HABP2: variants seen among roughly 807,000 people sequenced by gnomAD.
HABP2 encodes the protein hyaluronan binding protein 2, also known as factor VII-activating protease.
Under a neutral mutation model 66.5 loss-of-function variants are expected in HABP2, and 65 were observed. The ratio of observed to expected loss-of-function variants is 0.98; its 90% CI spans 0.80 to 1.20. HABP2 has a LOEUF of 1.20. Ranked by LOEUF, HABP2 falls within the 50% of genes most tolerant of loss-of-function variation. The pLI, the probability that HABP2 is intolerant of heterozygous loss-of-function variation, is 0.00. For missense variants in HABP2, 786 were observed against 691.0 expected (o/e 1.14, Z -1.54); for synonymous variants, 263 against 253.9 (o/e 1.04, Z -0.34).
intron 1 of HABP2, among the ~76,000 whole-genome samples, chr10:113,559,704 A>G (rs959080633): frequency 6.6e-6 from 1 of 152,228 alleles, no homozygotes; most frequent in Non-Finnish European, 1.5e-5. Context: ...TTAAGAACCA[A>G]TGTCTTTAAA....
intron 8 of HABP2, among the ~76,000 whole-genome samples, chr10:113,581,549 A>G (rs1224048866): frequency 6.6e-6 from 1 of 152,266 alleles, no homozygotes; most frequent in African/African-American, 2.4e-5. Flanking sequence ...GGGCTTTGTC[A>G]AGGTGAAGTA....
rs1009512212 is a variant in HABP2 at position 113,565,825 on chromosome 10, A to C, written c.70-1664A>C. Among the ~76,000 whole-genome samples the C allele has an allele frequency of 3.3e-5, 5 of 152,110 alleles. No individual in the cohort carries two copies. In the East Asian group the frequency reaches 9.6e-4, roughly 29 times the overall value. The stretch of plus-strand genomic sequence containing the variant: ...TCTTTTTTTGTCTTTTATGGTGTTG[A>C]TGTTTTTCTGGAGGCTAGGCTAGGT... On this transcript the variant is annotated intron_variant, in intron 1 of 12. Transcript: ENST00000351270.
intron 1 of HABP2, among the ~76,000 whole-genome samples, chr10:113,558,209 C>T (rs777543635): frequency 6.6e-6 from 1 of 152,238 alleles, no homozygotes; most frequent in Non-Finnish European, 1.5e-5. Flanking sequence ...CGAGTCTTGC[C>T]GGCTAGCAAA....
At chr10:113,553,966 C>T (rs1461628417) in intron 1 of HABP2, among the ~76,000 whole-genome samples, 10 of 152,248 alleles carry the variant, frequency 6.6e-5, no homozygotes, top group African/African-American at 9.6e-5. Context: ...CTTGGAGTTC[C>T]GTGCTGGTTG....
intron 1 of HABP2, among the ~76,000 whole-genome samples, chr10:113,563,489 G>A (rs1268181511): frequency 6.6e-6 from 1 of 152,194 alleles, no homozygotes; most frequent in Non-Finnish European, 1.5e-5. Context: ...CACAAAATGA[G>A]TGACTTGCTT....
intron 1 of HABP2, among the ~76,000 whole-genome samples, chr10:113,562,441 CT>C (rs11396673): frequency 0.14 from 17,459 of 121,456 alleles, 1,171 homozygotes; most frequent in African/African-American, 0.21. Context: ...ATTGGATAAG[CT>C]TTTTTTTTTT....
In HABP2 at chr10:113,578,065, C is replaced by T. The variant is rs778566957; in HGVS notation, c.488C>T (p.Ala163Val). The part of the protein sequence containing the change: ...VCRPNPCQNG[A>V]TCSRHKRRSK... ...AGGCCAAACCCCTGCCAGAATGGGG[C>T]TACCTGCTCCCGGCATAAGCGGAGA... is the stretch of plus-strand genomic sequence containing the variant. The change falls in exon 6 of 13, where the codon GCT becomes GTT. Residue 163 changes from alanine to valine, a missense_variant. Coordinates refer to ENST00000351270, the MANE Select transcript of HABP2 (RefSeq NM_004132.5). 4.3e-6 allele frequency: 7 copies of T among 1,614,146 alleles called. No individual in the cohort carries two copies. In the East Asian group the frequency reaches 1.1e-4, roughly 26 times the overall value.
chr10:113,558,506 C>A (rs529617914), intron 1 of HABP2, among the ~76,000 whole-genome samples: 23 of 152,336 alleles, frequency 1.5e-4, no homozygotes, highest in South Asian at 1.2e-3. Flanking sequence ...CCAGCACCCG[C>A]CAGTCCTTCC....
At chr10:113,572,873 G>A in intron 2 of HABP2, 3 of 243,976 alleles carry the variant, frequency 1.2e-5, no homozygotes, top group Admixed American at 5.4e-5. Context: ...ATTCAAAAAA[G>A]AAATAAAAAG....
rs1033618359 is a variant in HABP2, at chr10:113,582,072, C to T, written c.1035C>T (p.His345=). Residue 345 remains histidine, a synonymous_variant, in exon 9 of 13, where the codon CAC becomes CAT. Transcript: ENST00000351270. ...LPLTISMPQG[H]FCGGALIHPC... ...TGACCATCTCCATGCCCCAGGGCCA[C>T]TTCTGTGGTGGGGCGCTGATCCACC... is the stretch of plus-strand genomic sequence containing the variant. 1.1e-5 allele frequency: 18 copies of T among 1,612,932 alleles called. No individual in the cohort carries two copies. Among genetic ancestry groups the T allele is most frequent in the African/African-American group, 1.3e-5 (1 of 74,946 alleles).
At chr10:113,559,194 T>C (rs930067223) in intron 1 of HABP2, among the ~76,000 whole-genome samples, 2 of 152,198 alleles carry the variant, frequency 1.3e-5, no homozygotes, top group African/African-American at 2.4e-5. Context: ...AGCATTATCA[T>C]ATGCAGAATT....
chr10:113,572,933 A>G (rs1023676876), intron 2 of HABP2, among the ~76,000 whole-genome samples: 1 of 152,296 alleles, frequency 6.6e-6, no homozygotes, highest in African/African-American at 2.4e-5. Context: ...GCAAAAGTCG[A>G]TTTTTCAAAA....
At chr10:113,552,194 C>T (rs532215410), upstream of HABP2, among the ~76,000 whole-genome samples, 5 of 152,262 alleles carry the variant, frequency 3.3e-5, no homozygotes, top group Non-Finnish European at 5.9e-5. Flanking sequence ...CACATGCCTC[C>T]GCTGGCAGCA....
Position 113,581,881 on chromosome 10 carries a change from G to C in HABP2, c.844G>C (p.Ala282Pro). Residue 282 changes from alanine (A) to proline (P), a missense_variant, in exon 9 of 13, where the codon GCC becomes CCC. Physicochemically the swap from Ala to Pro is conservative, Grantham distance 27. Transcript: ENST00000351270. Reference protein sequence around the residue: ...DVSACSAQDVAYPEESPTEPS... With the variant: ...DVSACSAQDVPYPEESPTEPS... ...ATCTTTCTTGTGTCCCACAGACGTT[G>C]CCTACCCAGAGGAAAGCCCCACTGA... 1 of 1,614,098 alleles carries C rather than the reference G, an allele frequency of 6.2e-7. No homozygotes were observed. Among genetic ancestry groups the C allele is most frequent in the Non-Finnish European group, 8.5e-7 (1 of 1,179,976 alleles).
chr10:113,582,065 A>G lies in HABP2; in HGVS notation c.1028A>G (p.Gln343Arg). 1 of 1,613,324 alleles carries G rather than the reference A, an allele frequency of 6.2e-7. No individual in the cohort carries two copies. The highest frequency in any genetic ancestry group is 1.6e-4 in the Middle Eastern group (1 of 6,062). ...CTGCCTCTGACCATCTCCATGCCCC[A>G]GGGCCACTTCTGTGGTGGGGCGCTG... is the stretch of plus-strand genomic sequence containing the variant. Reference protein sequence around the residue: ...SSLPLTISMPQGHFCGGALIH... With the variant: ...SSLPLTISMPRGHFCGGALIH... The change falls in exon 9 of 13, where the codon CAG becomes CGG. Residue 343 changes from glutamine to arginine, a missense_variant. Gln to Arg is a conservative substitution (Grantham distance 43). Coordinates refer to ENST00000351270, the MANE Select transcript of HABP2 (RefSeq NM_004132.5).
At chr10:113,551,938 AG>A (rs755946984), upstream of HABP2, among the ~76,000 whole-genome samples, 1 of 152,094 alleles carries the variant, frequency 6.6e-6, no homozygotes, top group Non-Finnish European at 1.5e-5. Flanking sequence ...AATAGGATGG[AG>A]ACAAAAATAT....
intron 1 of HABP2, among the ~76,000 whole-genome samples, chr10:113,558,564 C>CTT (rs1193906883): frequency 1.3e-5 from 2 of 152,242 alleles, no homozygotes; most frequent in Admixed American, 6.5e-5. Flanking sequence ...AAAAGAAAGA[C>CTT]TTTCTCACGC....
Position 113,580,604 on chromosome 10 carries a change from T to G in HABP2, c.750T>G (p.Asp250Glu), listed in dbSNP as rs747603180. The change falls in exon 8 of 13, where the codon GAT becomes GAG. Residue 250 changes from aspartate (D) to glutamate (E), a missense_variant. Physicochemically the swap from Asp to Glu is conservative, Grantham distance 45. Coordinates refer to ENST00000351270, the MANE Select transcript of HABP2 (RefSeq NM_004132.5). ...TTGTTTTGTATTTTAGAAACCCAGA[T>G]GCGGACGAAAAGCCCTGGTGCTTTA... ...IGEHNFCRNPDADEKPWCFIK... is the reference protein window; with the variant it reads ...IGEHNFCRNPEADEKPWCFIK... The G allele has an allele frequency of 1.3e-5, 20 of 1,562,924 alleles. No individual in the cohort carries two copies. The highest frequency in any genetic ancestry group is 1.8e-5 in the Non-Finnish European group (20 of 1,133,372).
chr10:113,556,465 A>G (rs1844993517), intron 1 of HABP2, among the ~76,000 whole-genome samples: 1 of 152,156 alleles, frequency 6.6e-6, no homozygotes, highest in South Asian at 2.1e-4. Context: ...CTGTAATCCC[A>G]GCACTTTGGG....
Sources: allele counts gnomAD v4.1 joint callset (sites outside exome capture counted in the v4.1 genomes callset), GRCh38; gene constraint gnomAD v4.1.1; transcripts MANE v1.5; gene names NCBI Gene and HGNC (gene_info 2026-07-23, HGNC 2026-07-21).